The following ARAP2 variants were observed in gnomAD, a reference collection of about 807,000 sequenced individuals.
ARAP2 encodes the protein arf-GAP with Rho-GAP domain, ANK repeat and PH domain-containing protein 2.
ARAP2 carries 148 observed loss-of-function variants against 194.5 expected under a neutral mutation model. That is an observed-to-expected ratio of 0.76 (90% CI 0.67 to 0.87). The LOEUF (loss-of-function observed/expected upper bound fraction) is 0.87, where lower values mean the gene tolerates loss of function less well. Ranked by LOEUF, ARAP2 falls within the 40% of genes least tolerant of loss-of-function variation. ARAP2 has a pLI of 0.00. For missense variants in ARAP2, 2,128 were observed against 1,989.7 expected, an observed-to-expected ratio of 1.07 and a Z score of -1.32; for synonymous variants, 695 against 683.5, an observed-to-expected ratio of 1.02 and a Z score of -0.26.
intron 6 of ARAP2, among the ~76,000 whole-genome samples, chr4:36,210,023 C>A (rs566607750): frequency 1.3e-5 from 2 of 152,240 alleles, no homozygotes; most frequent in African/African-American, 4.8e-5. Context: ...GAGCAAAAGC[C>A]AAACAGTGTG....
intron 5 of ARAP2, among the ~76,000 whole-genome samples, chr4:36,041,268 G>A (rs1414314197): frequency 1.3e-5 from 2 of 152,036 alleles, no homozygotes; most frequent in Admixed American, 6.6e-5. Context: ...GAAAAAGTTT[G>A]CAAAGTATGC....
chr4:36,089,436 T>C (rs754584624), intron 28 of ARAP2, among the ~76,000 whole-genome samples: 66 of 152,230 alleles, frequency 4.3e-4, no homozygotes, highest in Non-Finnish European at 6.0e-4. Context: ...TGAGTACAAG[T>C]AGTTGTACTG....
In ARAP2 at chr4:36,067,823, A is replaced by G; in HGVS notation, c.*84T>C. The G allele has an allele frequency of 6.9e-7, 1 of 1,450,322 alleles. No homozygotes were observed. Among genetic ancestry groups the G allele is most frequent in the Non-Finnish European group, 9.2e-7 (1 of 1,088,258 alleles). 89.8% of individuals were successfully genotyped at this position (1,450,322 alleles called of 1,614,324 possible). ...ATCAATAGGCAAATTCTTATGAATT[A>G]TCTTATAGTTCAGTTTTGGAGTTAC... On this transcript the variant is annotated 3_prime_UTR_variant, in exon 33 of 33. Coordinates refer to ENST00000303965, the MANE Select transcript of ARAP2 (RefSeq NM_015230.4).
intron 26 of ARAP2, among the ~76,000 whole-genome samples, chr4:36,109,173 T>A (rs910114752): frequency 6.6e-6 from 1 of 151,902 alleles, no homozygotes; most frequent in African/African-American, 2.4e-5. Context: ...GAAAATAAAT[T>A]GTCTGTTTCC....
At chr4:36,076,999 G>C (rs58539925) in intron 31 of ARAP2, among the ~76,000 whole-genome samples, 65,666 of 151,924 alleles carry the variant, frequency 0.43, 14,508 homozygotes, top group East Asian at 0.61. Context: ...GATAGCAAGG[G>C]CATGGGAGTC....
chr4:36,190,479 ATC>A (rs1444465903), intron 7 of ARAP2, among the ~76,000 whole-genome samples: 7 of 152,264 alleles, frequency 4.6e-5, no homozygotes, highest in African/African-American at 1.7e-4. Context: ...AATTATAACA[ATC>A]TCTGATGGCT....
chr4:36,097,717 A>G (rs1715683527), intron 27 of ARAP2, among the ~76,000 whole-genome samples: 2 of 152,244 alleles, frequency 1.3e-5, no homozygotes, highest in East Asian at 1.9e-4. Context: ...TAGGATGCAC[A>G]TTAACAGGTA....
chr4:36,084,438 T>C (rs950249244), intron 28 of ARAP2, among the ~76,000 whole-genome samples: 1 of 152,094 alleles, frequency 6.6e-6, no homozygotes, highest in African/African-American at 2.4e-5. Flanking sequence ...TGGGTCAGAT[T>C]TTGCCACCAA....
At chr4:36,104,202 C>T (rs1377099419) in intron 27 of ARAP2, among the ~76,000 whole-genome samples, 3 of 151,466 alleles carry the variant, frequency 2.0e-5, no homozygotes, top group Admixed American at 6.6e-5. Flanking sequence ...GCTCCCCCAC[C>T]TTTTTTTCAA....
intron 5 of ARAP2, among the ~76,000 whole-genome samples, chr4:36,033,879 T>C (rs1225633938): frequency 6.6e-6 from 1 of 152,198 alleles, no homozygotes; most frequent in Non-Finnish European, 1.5e-5. Context: ...TAGCCATTTT[T>C]CTCAGCACCA....
intron 3 of ARAP2, among the ~76,000 whole-genome samples, chr4:36,051,063 C>A (rs962744983): frequency 1.2e-4 from 18 of 152,288 alleles, no homozygotes; most frequent in Admixed American, 8.5e-4. Flanking sequence ...TTCATATTAT[C>A]ATGAATTAAT....
intron 13 of ARAP2, 95 bp from the exon 14 acceptor site, chr4:36,159,600 A>AAAGGAATAC: frequency 8.9e-7 from 1 of 1,120,854 alleles, no homozygotes; most frequent in Non-Finnish European, 1.2e-6. Context: ...GTATGGGATA[A>AAAGGAATAC]AGTCTGTATT....
chr4:36,206,537 C>A (rs576603398), intron 6 of ARAP2, among the ~76,000 whole-genome samples: 1 of 152,168 alleles, frequency 6.6e-6, no homozygotes, highest in African/African-American at 2.4e-5. Context: ...AAATCTTATC[C>A]GTTTTGCAAA....
In ARAP2 at chr4:36,155,828, G is replaced by A. The variant is rs563354941; in HGVS notation, c.2752+2902C>T. On this transcript the variant is annotated intron_variant, in intron 15 of 32. Transcript: ENST00000303965. ...ATAAGGTTATATTCTGGAATGAGGAGCCAGTAAGTATACTTGAGCAATGGA... is the reference window on the plus strand; with the variant it reads ...ATAAGGTTATATTCTGGAATGAGGAACCAGTAAGTATACTTGAGCAATGGA... Among the ~76,000 whole-genome samples the A allele has an allele frequency of 1.2e-4, 19 of 152,084 alleles. No individual in the cohort carries two copies. In the South Asian group the frequency reaches 3.9e-3, roughly 32 times the overall value.
chr4:36,086,833 T>C (rs1711995386), intron 28 of ARAP2, among the ~76,000 whole-genome samples: 1 of 152,106 alleles, frequency 6.6e-6, no homozygotes. Flanking sequence ...AACAGTATAA[T>C]GGTAATATTC....
At chr4:36,206,858 A>G (rs1745644783) in intron 6 of ARAP2, among the ~76,000 whole-genome samples, 1 of 152,206 alleles carries the variant, frequency 6.6e-6, no homozygotes, top group African/African-American at 2.4e-5. Flanking sequence ...TGGCCAAAAA[A>G]AAAGTTAAAT....
intron 28 of ARAP2, among the ~76,000 whole-genome samples, chr4:36,089,952 G>C (rs1343840400): frequency 6.6e-6 from 1 of 151,764 alleles, no homozygotes; most frequent in Non-Finnish European, 1.5e-5. Flanking sequence ...CTTTGGATGA[G>C]CATGCTATTA....
intron 6 of ARAP2, among the ~76,000 whole-genome samples, chr4:36,198,868 G>A (rs1008140183): frequency 1.6e-4 from 24 of 152,342 alleles, no homozygotes; most frequent in African/African-American, 5.5e-4. Context: ...TGGGAACACA[G>A]GGCTCCTGCC....
At chr4:36,240,575 G>C (rs1753316642) in intron 1 of ARAP2, among the ~76,000 whole-genome samples, 1 of 152,168 alleles carries the variant, frequency 6.6e-6, no homozygotes, top group African/African-American at 2.4e-5. Context: ...TTTGTAAGCA[G>C]GGAAAATAAT....
Sources: allele counts gnomAD v4.1 joint callset (sites outside exome capture counted in the v4.1 genomes callset), GRCh38; gene constraint gnomAD v4.1.1; transcripts MANE v1.5; gene names NCBI Gene and HGNC (gene_info 2026-07-23, HGNC 2026-07-21).